INPP4B: variants seen among roughly 807,000 people sequenced by gnomAD.
INPP4B encodes inositol polyphosphate 4-phosphatase type II.
A neutral mutation model predicts 122.5 loss-of-function variants in INPP4B; 55 were observed. The observed-to-expected ratio is 0.45, with a 90% CI of 0.36 to 0.56. The LOEUF (loss-of-function observed/expected upper bound fraction) is 0.56, where lower values mean the gene tolerates loss of function less well. Among genes scored for constraint, INPP4B ranks in the 20% least tolerant of loss-of-function variants. The pLI is 0.00. For synonymous variants in INPP4B, 403 were observed against 388.7 expected (o/e 1.04, Z -0.43); for missense variants, 1,000 against 1,097.7 (o/e 0.91, Z 1.26).
At chr4:142,114,642 T>C (rs1369776439) in intron 21 of INPP4B, among the ~76,000 whole-genome samples, 3 of 152,114 alleles carry the variant, frequency 2.0e-5, no homozygotes, top group Non-Finnish European at 4.4e-5. Flanking sequence ...GTTGTAACAT[T>C]TATTTACATA....
chr4:142,731,104 C>T (rs1766017714), intron 1 of INPP4B, among the ~76,000 whole-genome samples: 1 of 152,118 alleles, frequency 6.6e-6, no homozygotes, highest in Non-Finnish European at 1.5e-5. Context: ...CATGCATTAG[C>T]TATTTATCCT....
intron 2 of INPP4B, among the ~76,000 whole-genome samples, chr4:142,480,642 G>A (rs1036650553): frequency 2.6e-5 from 4 of 152,156 alleles, no homozygotes; most frequent in Non-Finnish European, 5.9e-5. Context: ...CAGGTAGCAT[G>A]CATTTCTCCA....
intron 3 of INPP4B, among the ~76,000 whole-genome samples, chr4:142,443,599 C>A (rs552958759): frequency 6.6e-6 from 1 of 152,036 alleles, no homozygotes; most frequent in African/African-American, 2.4e-5. Context: ...TGAAAGATGA[C>A]GATAGAGAAT....
intron 1 of INPP4B, among the ~76,000 whole-genome samples, chr4:142,741,487 T>C (rs952907146): frequency 3.3e-5 from 5 of 151,978 alleles, no homozygotes; most frequent in Non-Finnish European, 7.4e-5. Flanking sequence ...ATACTGGGGA[T>C]TACATTTCAA....
rs70949172 is a variant in INPP4B, at chr4:142,545,821, G to GTATATATATATATA, written c.-190-83109_-190-83096dup. Among the ~76,000 whole-genome samples the GTATATATATATATA allele has an allele frequency of 8.9e-4, 100 of 111,882 alleles. No individual in the cohort carries two copies. In the East Asian group the frequency reaches 0.011, roughly 13 times the overall value. 73.4% of individuals were successfully genotyped at this position (111,882 alleles called of 152,430 possible). On this transcript the variant is annotated intron_variant, in intron 2 of 25. Coordinates refer to ENST00000262992, the MANE Select transcript of INPP4B (RefSeq NM_001101669.3). ...TATATATATACACATATACATGTGT[G>GTATATATATATATA]TATATATATATATATAAAATGGTCT...
intron 19 of INPP4B, 131 bp from the exon 20 acceptor site, chr4:142,123,546 G>A: frequency 1.2e-6 from 1 of 819,012 alleles, no homozygotes; most frequent in East Asian, 2.7e-5. Flanking sequence ...CAACTATTTG[G>A]TAGGCATAGT....
rs116172096 is a variant in INPP4B at position 142,150,577 on chromosome 4, G to T, written c.1564-4581C>A. On this transcript the variant is annotated intron_variant, in intron 17 of 25. Transcript: ENST00000262992. Reference sequence around the variant, plus strand: ...GTCAACTGGCTATAAAATTTTCCTGGTCAATAAGGTCATGGAGTCAGTGGG... The same window carrying T: ...GTCAACTGGCTATAAAATTTTCCTGTTCAATAAGGTCATGGAGTCAGTGGG... Among the ~76,000 whole-genome samples the T allele has an allele frequency of 3.3e-3, 501 of 152,222 alleles. 1 individual carries two copies. The highest frequency in any genetic ancestry group is 5.8e-3 in the Admixed American group (88 of 15,288).
intron 2 of INPP4B, among the ~76,000 whole-genome samples, chr4:142,687,829 CTTT>C (rs1759593318): frequency 6.6e-6 from 1 of 152,088 alleles, no homozygotes; most frequent in Non-Finnish European, 1.5e-5. Context: ...GGGATCCAAA[CTTT>C]TCATCACCTA....
intron 7 of INPP4B, among the ~76,000 whole-genome samples, chr4:142,346,976 T>C (rs1780499680): frequency 6.6e-6 from 1 of 152,032 alleles, no homozygotes; most frequent in Admixed American, 6.6e-5. Context: ...ATATTCTCTA[T>C]TTGCTTTAAT....
At chr4:142,705,483 A>ACACACACC (rs1414269333) in intron 2 of INPP4B, among the ~76,000 whole-genome samples, 25 of 149,150 alleles carry the variant, frequency 1.7e-4, no homozygotes, top group African/African-American at 6.4e-4. Flanking sequence ...ACACACACAC[A>ACACACACC]CACACACACA....
chr4:142,461,903 C>A (rs576274046), intron 3 of INPP4B, among the ~76,000 whole-genome samples: 2 of 152,110 alleles, frequency 1.3e-5, no homozygotes, highest in Admixed American at 1.3e-4. Flanking sequence ...CAAATGACAT[C>A]ACACAGAAAT....
chr4:142,441,349 T>A (rs546106669), intron 3 of INPP4B, among the ~76,000 whole-genome samples: 9 of 152,162 alleles, frequency 5.9e-5, no homozygotes, highest in Non-Finnish European at 1.3e-4. Context: ...GGTGATAGAA[T>A]TAGATGTGAT....
chr4:142,526,393 G>A (rs1488277211), intron 2 of INPP4B, among the ~76,000 whole-genome samples: 2 of 151,958 alleles, frequency 1.3e-5, no homozygotes, highest in African/African-American at 4.8e-5. Flanking sequence ...TAGTTGTATT[G>A]ATTCTGTGGT....
rs559274178 is a variant in INPP4B at position 142,594,196 on chromosome 4, A to G, written c.-190-131470T>C. Among the ~76,000 whole-genome samples, 35 of 152,322 alleles carry G rather than the reference A, an allele frequency of 2.3e-4. No homozygotes were observed. The South Asian group carries it at 6.8e-3, about 30-fold the overall frequency. On this transcript the variant is annotated intron_variant, in intron 2 of 25. Transcript: ENST00000262992. ...ACAATTGACAGCATTTGTCATAAAA[A>G]GGAAATAACATTGCACCAGACATTT...
chr4:142,743,809 C>T (rs1314459791), intron 1 of INPP4B, among the ~76,000 whole-genome samples: 1 of 151,830 alleles, frequency 6.6e-6, no homozygotes, highest in Non-Finnish European at 1.5e-5. Context: ...GTAAGGTTTT[C>T]CAAAGGTCTG....
At chr4:142,398,491 C>T (rs1472338421) in intron 7 of INPP4B, among the ~76,000 whole-genome samples, 1 of 133,602 alleles carries the variant, frequency 7.5e-6, no homozygotes, top group African/African-American at 2.9e-5. Context: ...TAAACAATCT[C>T]AATTTATTTT....
intron 14 of INPP4B, among the ~76,000 whole-genome samples, chr4:142,206,389 A>G (rs1842609873): frequency 1.4e-5 from 2 of 146,802 alleles, no homozygotes; most frequent in African/African-American, 5.1e-5. Flanking sequence ...TTCACTTGAC[A>G]TAGTTCGTAG....
At chr4:142,666,083 G>T (rs1021341731) in intron 2 of INPP4B, among the ~76,000 whole-genome samples, 3 of 152,020 alleles carry the variant, frequency 2.0e-5, no homozygotes, top group African/African-American at 7.2e-5. Context: ...AACTGAAACT[G>T]CAAATTGCAA....
At chr4:142,680,269 T>C (rs557395890) in intron 2 of INPP4B, among the ~76,000 whole-genome samples, 3 of 151,974 alleles carry the variant, frequency 2.0e-5, no homozygotes, top group South Asian at 2.1e-4. Flanking sequence ...AAGAAATCAA[T>C]AGGAAAGCAA....
Sources: gnomAD v4.1 joint callset for allele counts (sites outside exome capture counted in the v4.1 genomes callset) on GRCh38, gnomAD v4.1.1 for gene constraint, MANE v1.5 for transcripts, NCBI Gene and HGNC (gene_info 2026-07-23, HGNC 2026-07-21) for gene names.